DNAAF6: variants seen among roughly 807,000 people sequenced by gnomAD.
DNAAF6 encodes the protein PIH1 domain containing 3.
DNAAF6 carries 3 observed loss-of-function variants against 13.7 expected under a neutral mutation model. The ratio of observed to expected loss-of-function variants is 0.22; its 90% confidence interval spans 0.10 to 0.56. DNAAF6 has a LOEUF of 0.56. Ranked by LOEUF, DNAAF6 falls within the 20% of genes least tolerant of loss-of-function variation. DNAAF6 has a pLI of 0.92. For synonymous variants in DNAAF6, 54 were observed against 49.2 expected (o/e 1.10, Z -0.41); for missense variants, 130 against 151.0 (o/e 0.86, Z 0.73).
rs768372176 is a variant in DNAAF6 at position 107,229,127 on chromosome X, CT to C, written c.429+6314del. Among the ~76,000 whole-genome samples the C allele has an allele frequency of 3.0e-3, 154 of 51,561 alleles. 1 individual carries two copies. Among genetic ancestry groups the C allele is most frequent in the Admixed American group, 0.011 (39 of 3,707 alleles). The allele number at this position is 51,561 out of a possible 115,157, so 44.8% of individuals were successfully genotyped here. A position where few individuals can be genotyped will look rare whatever the true frequency, so the allele number is the denominator to read the frequency against. On this transcript the variant is annotated intron_variant, in intron 5 of 6. Transcript: ENST00000372453. Reference sequence around the variant, plus strand: ...GCAGCATTCCACCCTGTTGACTACTCTTTTTTTTTTTTTTTTTTTTTTTTTT... The same window carrying C: ...GCAGCATTCCACCCTGTTGACTACTCTTTTTTTTTTTTTTTTTTTTTTTTT...
intron 5 of DNAAF6, among the ~76,000 whole-genome samples, chrX:107,225,534 T>C (rs745780051): frequency 2.7e-5 from 3 of 111,387 alleles, no homozygotes; most frequent in Non-Finnish European, 5.6e-5. Flanking sequence ...ATGTTATTTG[T>C]GTCCTGGACC....
chrX:107,216,806 G>A (rs1928000835), intron 3 of DNAAF6, 63 bp downstream of exon 3: 1 of 836,053 alleles, frequency 1.2e-6, no homozygotes, highest in Admixed American at 2.9e-5. Context: ...GAAATTATAG[G>A]GAGAGTAATA....
chrX:107,212,401 G>A (rs768537763), intron 1 of DNAAF6, among the ~76,000 whole-genome samples: 1 of 111,034 alleles, frequency 9.0e-6, no homozygotes, highest in South Asian at 3.9e-4. Context: ...ACCTTCTATA[G>A]GCCAGCGTCC....
intron 5 of DNAAF6, among the ~76,000 whole-genome samples, chrX:107,224,122 A>G (rs1928206178): frequency 8.9e-6 from 1 of 111,815 alleles, no homozygotes. Flanking sequence ...TGGTTTATCT[A>G]AAACTCAATA....
At chrX:107,210,499 A>C (rs5962803) in intron 1 of DNAAF6, among the ~76,000 whole-genome samples, 25,893 of 109,753 alleles carry the variant, frequency 0.24, 2,511 homozygotes, top group East Asian at 0.48. Context: ...GCTCACTGCA[A>C]CTTCCATCTC....
At chrX:107,226,254 G>T (rs1928253949) in intron 5 of DNAAF6, among the ~76,000 whole-genome samples, 1 of 111,882 alleles carries the variant, frequency 8.9e-6, no homozygotes, top group African/African-American at 3.2e-5. Flanking sequence ...TGACATATAT[G>T]CTTTTCTTTA....
In DNAAF6 at chrX:107,238,994, C is replaced by T. The variant is rs775335375; in HGVS notation, c.502C>T (p.Arg168Cys). 65 of 1,207,509 alleles carry T rather than the reference C, an allele frequency of 5.4e-5. No homozygotes were observed. The highest frequency in any genetic ancestry group is 6.6e-5 in the Non-Finnish European group (59 of 894,281). Residue 168 changes from arginine (R) to cysteine (C), a missense_variant, in exon 6 of 7, where the codon CGT becomes TGT. Transcript: ENST00000372453. ...TATCCAGGAAACAATCCTTGACCTTCGTACTCCTCAGAAGTGAGTAAAACT... is the reference window on the plus strand; with the variant it reads ...TATCCAGGAAACAATCCTTGACCTTTGTACTCCTCAGAAGTGAGTAAAACT... ...IDIQETILDL[R>C]TPQKKLLITL...
chrX:107,216,677 G>A lies in DNAAF6; in HGVS notation c.160G>A (p.Gly54Ser), dbSNP rs1204133378. 5 of 1,189,457 alleles carry A rather than the reference G, an allele frequency of 4.2e-6. No individual in the cohort carries two copies. The highest frequency in any genetic ancestry group is 4.5e-6 in the Non-Finnish European group (4 of 881,973). Reference protein sequence around the residue: ...EDDSDYGQTNGLSTIGAMGPG... With the variant: ...EDDSDYGQTNSLSTIGAMGPG... Reference sequence around the variant, plus strand: ...ACTTTTTCTCCTCCCTCAGACAAATGGTTTATCTACTATTGGAGCCATGGG... The same window carrying A: ...ACTTTTTCTCCTCCCTCAGACAAATAGTTTATCTACTATTGGAGCCATGGG... Residue 54 changes from glycine to serine, a missense_variant, in exon 3 of 7, where the codon GGT (glycine) becomes AGT (serine). Coordinates refer to ENST00000372453, the MANE Select transcript of DNAAF6 (RefSeq NM_173494.2).
chrX:107,230,480 C>T (rs752333860), intron 5 of DNAAF6, among the ~76,000 whole-genome samples: 36 of 111,372 alleles, frequency 3.2e-4, no homozygotes, highest in African/African-American at 1.1e-3. Context: ...ATCAGGAGTT[C>T]GAGACTAGCC....
rs746231619 is a variant in DNAAF6, at chrX:107,222,785, A to G, written c.373A>G (p.Ile125Val). The G allele has an allele frequency of 6.6e-6, 8 of 1,207,267 alleles. 1 individual carries two copies. The South Asian group carries it at 1.4e-4, about 22-fold the overall frequency. ...CAGACAGCAGGTGGGAACTGAAGAT[A>G]TATTTTTAGGGTTGTCAAAAAAGGA... ...IFRQQVGTED[I>V]FLGLSKKDSS... The change falls in exon 5 of 7, where the codon ATA becomes GTA. Residue 125 changes from isoleucine to valine, a missense_variant. Ile to Val is a conservative substitution (Grantham distance 29). Coordinates refer to ENST00000372453, the MANE Select transcript of DNAAF6 (RefSeq NM_173494.2).
In DNAAF6 at chrX:107,216,653, C is replaced by A; in HGVS notation, c.154-18C>A. On this transcript the variant is annotated intron_variant, in intron 2 of 6. Transcript: ENST00000372453. The stretch of plus-strand genomic sequence containing the variant: ...CAAGTATTAATTACAGAATATTGAA[C>A]TTTTTCTCCTCCCTCAGACAAATGG... 8.7e-7 allele frequency: 1 copy of A among 1,148,543 alleles called. No homozygotes were observed. The allele number at this position is 1,148,543 out of a possible 1,213,427, so 94.7% of individuals were successfully genotyped here.
Position 107,216,652 on chromosome X carries a change from A to G in DNAAF6, c.154-19A>G, listed in dbSNP as rs1927993252. 2.6e-6 allele frequency: 3 copies of G among 1,134,223 alleles called. No homozygotes were observed. Among genetic ancestry groups the G allele is most frequent in the Non-Finnish European group, 2.4e-6 (2 of 839,273 alleles). The allele number at this position is 1,134,223 out of a possible 1,213,427, so 93.5% of individuals were successfully genotyped here. A position where few individuals can be genotyped will look rare whatever the true frequency, so the allele number is the denominator to read the frequency against. On this transcript the variant is annotated intron_variant, in intron 2 of 6. Coordinates refer to ENST00000372453, the MANE Select transcript of DNAAF6 (RefSeq NM_173494.2). ...ACAAGTATTAATTACAGAATATTGAACTTTTTCTCCTCCCTCAGACAAATG... is the reference window on the plus strand; with the variant it reads ...ACAAGTATTAATTACAGAATATTGAGCTTTTTCTCCTCCCTCAGACAAATG...
intron 5 of DNAAF6, among the ~76,000 whole-genome samples, chrX:107,225,709 A>G (rs1453399400): frequency 8.9e-6 from 1 of 111,809 alleles, no homozygotes; most frequent in East Asian, 2.8e-4. Context: ...CCAAATAAGA[A>G]AGCAAGATTT....
chrX:107,235,963 CAAAAAT>C (rs200802687), intron 5 of DNAAF6, among the ~76,000 whole-genome samples: 24,241 of 107,526 alleles, frequency 0.23, 2,457 homozygotes, highest in East Asian at 0.45. Context: ...CCCATCTCTA[CAAAAAT>C]AAAAATAAAA....
At chrX:107,219,959 C>T (rs902908700) in intron 4 of DNAAF6, among the ~76,000 whole-genome samples, 10 of 110,858 alleles carry the variant, frequency 9.0e-5, no homozygotes, top group African/African-American at 1.6e-4. Context: ...CCACCACGCC[C>T]AGCTAATTTT....
intron 1 of DNAAF6, among the ~76,000 whole-genome samples, chrX:107,211,916 C>A (rs1927865595): frequency 9.0e-6 from 1 of 111,156 alleles, no homozygotes; most frequent in Admixed American, 9.6e-5. Flanking sequence ...AAGAAAAATC[C>A]CAAAATATTT....
chrX:107,217,714 G>A (rs1158556514), intron 3 of DNAAF6, among the ~76,000 whole-genome samples: 1 of 112,165 alleles, frequency 8.9e-6, no homozygotes, highest in Non-Finnish European at 1.9e-5. Context: ...TAGGAAGGGA[G>A]AGGAAGTGAA....
intron 5 of DNAAF6, among the ~76,000 whole-genome samples, chrX:107,226,794 A>T (rs1280781079): frequency 9.0e-6 from 1 of 111,180 alleles, no homozygotes; most frequent in Non-Finnish European, 1.9e-5. Context: ...TTCTGATATG[A>T]CCCAAGAAAC....
In DNAAF6 at chrX:107,237,048, A is replaced by G. The variant is rs752915749; in HGVS notation, c.430-1874A>G. On this transcript the variant is annotated intron_variant, in intron 5 of 6. Transcript: ENST00000372453. ...AAATTAGGAGGCAATTTTTTGTTGA[A>G]TGAAAATGTTAACCGTAGTATTTAG... is the stretch of plus-strand genomic sequence containing the variant. Among the ~76,000 whole-genome samples the G allele has an allele frequency of 3.6e-5, 4 of 112,093 alleles. No homozygotes were observed. In the East Asian group the frequency reaches 1.1e-3, roughly 31 times the overall value.
Sources: gnomAD v4.1 joint callset for allele counts (sites outside exome capture counted in the v4.1 genomes callset) on GRCh38, gnomAD v4.1.1 for gene constraint, MANE v1.5 for transcripts, NCBI Gene and HGNC (gene_info 2026-07-23, HGNC 2026-07-21) for gene names.